SLC6A5: variants seen among roughly 807,000 people sequenced by gnomAD.
SLC6A5 encodes solute carrier family 6 member 5.
A neutral mutation model predicts 90.5 loss-of-function variants in SLC6A5; 58 were observed. The observed-to-expected ratio is 0.64, with a 90% CI of 0.52 to 0.80. The LOEUF is 0.80. SLC6A5 is among the 30% of genes least tolerant of loss of function. The pLI is 0.00. For synonymous variants in SLC6A5, 427 were observed against 401.4 expected (o/e 1.06, Z -0.76); for missense variants, 1,015 against 1,017.6 (o/e 1.00, Z 0.03).
Position 20,607,400 on chromosome 11 carries a change from G to C in SLC6A5, c.812-79G>C, listed in dbSNP as rs73448145. The C allele has an allele frequency of 1.2e-3, 1,766 of 1,526,364 alleles. 23 individuals carry two copies. In the African/African-American group the frequency reaches 0.021, roughly 18 times the overall value. The allele number at this position is 1,526,364 out of a possible 1,614,324, so 94.6% of individuals were successfully genotyped here. ...TTCTGTACAAGAGAGCCTAGACCTA[G>C]GTCCCCACCCTATGCCCAACTCTAA... is the stretch of plus-strand genomic sequence containing the variant. On this transcript the variant is annotated intron_variant, in intron 4 of 15. Transcript: ENST00000525748.
At chr11:20,604,265 A>G in intron 2 of SLC6A5, 21 bp from the exon 3 acceptor site, 2 of 1,601,910 alleles carry the variant, frequency 1.2e-6, no homozygotes, top group Non-Finnish European at 1.7e-6. Context: ...TGTTATCGAC[A>G]ATGTGCTTTT....
chr11:20,613,345 C>A (rs1343417916), intron 5 of SLC6A5, among the ~76,000 whole-genome samples: 2 of 152,128 alleles, frequency 1.3e-5, no homozygotes, highest in African/African-American at 4.8e-5. Flanking sequence ...ACTATGTGCT[C>A]CTTTGCAAAA....
chr11:20,614,352 A>G (rs1852746319), intron 5 of SLC6A5, among the ~76,000 whole-genome samples: 1 of 152,190 alleles, frequency 6.6e-6, no homozygotes, highest in African/African-American at 2.4e-5. Flanking sequence ...AAAATGGAAG[A>G]TTATAGTACC....
chr11:20,648,208 A>T (rs1276546129), intron 14 of SLC6A5, among the ~76,000 whole-genome samples: 1 of 152,180 alleles, frequency 6.6e-6, no homozygotes. Context: ...TTGTTTTGCT[A>T]TTACACATGG....
At chr11:20,605,412 CG>C (rs1852560368) in intron 3 of SLC6A5, among the ~76,000 whole-genome samples, 1 of 152,154 alleles carries the variant, frequency 6.6e-6, no homozygotes, top group African/African-American at 2.4e-5. Flanking sequence ...CCACTACTCC[CG>C]TCCTCTCCAG....
At chr11:20,653,662 G>A (rs889595861) in intron 15 of SLC6A5, among the ~76,000 whole-genome samples, 1 of 152,206 alleles carries the variant, frequency 6.6e-6, no homozygotes, top group East Asian at 1.9e-4. Context: ...TACTGCAGCT[G>A]TATTCTAGTT....
At position 20,601,365 on chromosome 11, in the gene SLC6A5, C is replaced by A; in HGVS notation, c.240C>A (p.Cys80Ter). ...CEAERPGVGS[C>*]KLSSPRAQAA... ...CTGAGCGGCCAGGAGTGGGGTCTTGCAAACTCAGTAGCCCGCGGGCGCAGG... is the reference window on the plus strand; with the variant it reads ...CTGAGCGGCCAGGAGTGGGGTCTTGAAAACTCAGTAGCCCGCGGGCGCAGG... The change falls in exon 2 of 16, where the codon TGC becomes TGA. Residue 80 changes from cysteine to a stop codon, truncating the protein, a stop_gained. Coordinates refer to ENST00000525748, the MANE Select transcript of SLC6A5 (RefSeq NM_004211.5). LOFTEE classifies it high-confidence loss of function. 2 of 1,602,482 alleles carry A rather than the reference C, an allele frequency of 1.2e-6. No homozygotes were observed. Among genetic ancestry groups the A allele is most frequent in the Non-Finnish European group, 1.7e-6 (2 of 1,176,236 alleles).
intron 5 of SLC6A5, among the ~76,000 whole-genome samples, chr11:20,613,308 T>G (rs1208086485): frequency 6.6e-6 from 1 of 152,184 alleles, no homozygotes; most frequent in East Asian, 1.9e-4. Flanking sequence ...AACTGCCATA[T>G]AAGTGTAAGT....
At chr11:20,620,950 C>A (rs770922625) in intron 7 of SLC6A5, among the ~76,000 whole-genome samples, 1 of 152,020 alleles carries the variant, frequency 6.6e-6, no homozygotes, top group East Asian at 1.9e-4. Context: ...CAGGAGCCCA[C>A]CACCACGCCC....
intron 6 of SLC6A5, among the ~76,000 whole-genome samples, chr11:20,616,033 A>T (rs1157881732): frequency 6.6e-6 from 1 of 152,222 alleles, no homozygotes. Context: ...TTCAAATAGA[A>T]CATGGGGATC....
At chr11:20,602,809 C>G (rs1467089907) in intron 2 of SLC6A5, among the ~76,000 whole-genome samples, 1 of 152,192 alleles carries the variant, frequency 6.6e-6, no homozygotes, top group Non-Finnish European at 1.5e-5. Context: ...CTTTCGGGGT[C>G]CACATCCGGA....
chr11:20,607,039 G>T lies in SLC6A5; in HGVS notation c.712G>T (p.Ala238Ser). Reference protein sequence around the residue: ...AFLIPYLMMLALAGLPIFFLE... With the variant: ...AFLIPYLMMLSLAGLPIFFLE... ...CCTCATCCCTTACCTGATGATGCTGGCTCTGGCTGGATTACCCATCTTCTT... is the reference window on the plus strand; with the variant it reads ...CCTCATCCCTTACCTGATGATGCTGTCTCTGGCTGGATTACCCATCTTCTT... Residue 238 changes from alanine to serine, a missense_variant, in exon 4 of 16, where the codon GCT becomes TCT. Coordinates refer to ENST00000525748, the MANE Select transcript of SLC6A5 (RefSeq NM_004211.5). 1 of 1,614,004 alleles carries T rather than the reference G, an allele frequency of 6.2e-7. No individual in the cohort carries two copies. The highest frequency in any genetic ancestry group is 8.5e-7 in the Non-Finnish European group (1 of 1,180,018).
In SLC6A5 at chr11:20,646,890, T is replaced by G. The variant is rs562578394; in HGVS notation, c.2026T>G (p.Phe676Val). Residue 676 changes from phenylalanine to valine, a missense_variant, in exon 14 of 16, where the codon TTC (phenylalanine) becomes GTC (valine). Phe to Val is a conservative substitution (Grantham distance 50, BLOSUM62 -1). This residue lies in a region of SLC6A5 where 442 missense variants were observed against 494.3 expected (regional missense o/e 0.89). Transcript: ENST00000525748. ...GATGATTGGATTCCAGCCTAACATCTTCTGGAAAGTCTGCTGGGCATTTGT... is the reference window on the plus strand; with the variant it reads ...GATGATTGGATTCCAGCCTAACATCGTCTGGAAAGTCTGCTGGGCATTTGT... ...EMMIGFQPNI[F>V]WKVCWAFVTP... 3.6e-5 allele frequency: 58 copies of G among 1,613,928 alleles called. No individual in the cohort carries two copies. The South Asian group carries it at 6.1e-4, about 17-fold the overall frequency.
chr11:20,617,698 C>A, intron 6 of SLC6A5, 54 bp from the exon 7 acceptor site: 1 of 1,548,798 alleles, frequency 6.5e-7, no homozygotes, highest in Non-Finnish European at 8.9e-7. Flanking sequence ...CTGCCTGTCA[C>A]CTCCCTCTCT....
intron 9 of SLC6A5, chr11:20,629,087 G>A (rs1431369655): frequency 1.3e-5 from 2 of 152,082 alleles, no homozygotes; most frequent in Admixed American, 1.3e-4. Flanking sequence ...AGGAGAACCA[G>A]GATTTCAGTG....
intron 3 of SLC6A5, among the ~76,000 whole-genome samples, chr11:20,605,516 C>G (rs1852562132): frequency 6.6e-6 from 1 of 152,188 alleles, no homozygotes; most frequent in Non-Finnish European, 1.5e-5. Flanking sequence ...ACCGGCCACA[C>G]GAATAGAGGC....
chr11:20,601,429 G>A lies in SLC6A5; in HGVS notation c.304G>A (p.Gly102Ser), dbSNP rs1443547. The change falls in exon 2 of 16, where the codon GGC (glycine) becomes AGC (serine). Residue 102 changes from glycine (G) to serine (S), a missense_variant. Around this residue, in one of 3 missense-constraint regions of SLC6A5, gnomAD observed 567 missense variants for 507.3 expected, o/e 1.12. Coordinates refer to ENST00000525748, the MANE Select transcript of SLC6A5 (RefSeq NM_004211.5). ...AALRDLREAQ[G>S]AQASPPPGSS... is the part of the protein sequence containing the mutation. The stretch of plus-strand genomic sequence containing the variant: ...TCTGCGGGACTTGAGAGAGGCGCAA[G>A]GCGCGCAGGCCTCGCCCCCTCCCGG... The A allele has an allele frequency of 0.35, 569,094 of 1,604,384 alleles. 102,567 individuals are homozygous for A. Among genetic ancestry groups the A allele is most frequent in the African/African-American group, 0.47 (35,284 of 74,862 alleles).
At chr11:20,640,340 ACAT>A (rs1853288277) in intron 13 of SLC6A5, among the ~76,000 whole-genome samples, 1 of 152,212 alleles carries the variant, frequency 6.6e-6, no homozygotes, top group South Asian at 2.1e-4. Flanking sequence ...ATGGTTTAAA[ACAT>A]CATTAAAATA....
chr11:20,638,264 T>A (rs559156249), intron 12 of SLC6A5, among the ~76,000 whole-genome samples, 195 bp from the exon 13 acceptor site: 1 of 152,316 alleles, frequency 6.6e-6, no homozygotes, highest in East Asian at 1.9e-4. Flanking sequence ...GAGGAACTGC[T>A]TTGCTGACTC....
Sources: allele counts gnomAD v4.1 joint callset (sites outside exome capture counted in the v4.1 genomes callset), GRCh38; gene constraint gnomAD v4.1.1; regional missense constraint gnomAD v4.1.1; transcripts MANE v1.5; gene names NCBI Gene and HGNC (gene_info 2026-07-23, HGNC 2026-07-21).